Variants in IFIT1 observed in about 807,000 individuals in gnomAD.
IFIT1 encodes the protein interferon induced protein with tetratricopeptide repeats 1.
In IFIT1, 1 loss-of-function variant was observed where a neutral mutation model predicts 2.5. The ratio of observed to expected loss-of-function variants is 0.40; its 90% CI spans 0.14 to 1.92. The LOEUF is 1.92. IFIT1 is among the 40% of genes most tolerant of loss of function. The pLI is 0.31. For synonymous variants in IFIT1, 191 were observed against 201.7 expected (o/e 0.95, Z 0.45); for missense variants, 508 against 557.8 (o/e 0.91, Z 0.90).
chr10:89,399,973 C>T (rs1244935414), intron 1 of IFIT1, among the ~76,000 whole-genome samples: 1 of 152,152 alleles, frequency 6.6e-6, no homozygotes. Context: ...TTGGTTGTCA[C>T]CTTCATCTAG....
chr10:89,403,246 C>G lies in IFIT1; in HGVS notation c.971C>G (p.Ser324Ter), dbSNP rs1279818995. 3 of 1,614,162 alleles carry G rather than the reference C, an allele frequency of 1.9e-6. No homozygotes were observed. Among genetic ancestry groups the G allele is most frequent in the Admixed American group, 1.7e-5 (1 of 60,024 alleles). The change falls in exon 2 of 2, where the codon TCA becomes TGA. Residue 324 changes from serine to a stop codon, truncating the protein, a stop_gained. Transcript: ENST00000371804. LOFTEE classifies it low-confidence loss of function (END_TRUNC). ...NREKLDKMIRSAIFHFESAVE... is the reference protein window; with the variant it reads ...NREKLDKMIR ...GAAAAGCTAGACAAAATGATAAGAT[C>G]AGCCATATTTCATTTTGAATCTGCA... is the stretch of plus-strand genomic sequence containing the variant.
Position 89,402,853 on chromosome 10 carries a change from T to A in IFIT1, c.578T>A (p.Leu193Ter), listed in dbSNP as rs1482102651. 1.2e-6 allele frequency: 2 copies of A among 1,614,166 alleles called. No individual in the cohort carries two copies. Among genetic ancestry groups the A allele is most frequent in the Non-Finnish European group, 1.7e-6 (2 of 1,180,026 alleles). The change falls in exon 2 of 2, where the codon TTA becomes TAA. Residue 193 changes from leucine (L) to a stop codon, truncating the protein, a stop_gained. Transcript: ENST00000371804. LOFTEE classifies it low-confidence loss of function (END_TRUNC). Reference sequence around the variant, plus strand: ...GCCTATCGCCTGGATGGCTTTAAATTAGCCACAAAAAATCACAAGCCATTT... The same window carrying A: ...GCCTATCGCCTGGATGGCTTTAAATAAGCCACAAAAAATCACAAGCCATTT... ...ISAYRLDGFK[L>*]ATKNHKPFSL...
Position 89,403,937 on chromosome 10 carries a change from G to C in IFIT1, c.*225G>C, listed in dbSNP as rs902483229. The C allele has an allele frequency of 2.3e-5, 9 of 397,562 alleles. No individual in the cohort carries two copies. The highest frequency in any genetic ancestry group is 4.0e-5 in the Non-Finnish European group (9 of 225,946). The allele number at this position is 397,562 out of a possible 1,614,324, so 24.6% of individuals were successfully genotyped here. A position where few individuals can be genotyped will look rare whatever the true frequency, so the allele number is the denominator to read the frequency against. On this transcript the variant is annotated 3_prime_UTR_variant, in exon 2 of 2. Transcript: ENST00000371804. ...ATTTGTATGAGTGCTATGTAGTAGA[G>C]AAAAAATGTTAGTTAACTTTGTAGG...
At chr10:89,399,811 G>T (rs879688460) in intron 1 of IFIT1, among the ~76,000 whole-genome samples, 2 of 151,944 alleles carry the variant, frequency 1.3e-5, no homozygotes, top group African/African-American at 2.4e-5. Context: ...AAATAAAATC[G>T]TAAGAGTGAG....
At chr10:89,394,156 C>CCTGTGCAGCATGTTA (rs147997420) in intron 1 of IFIT1, among the ~76,000 whole-genome samples, 37,897 of 151,716 alleles carry the variant, frequency 0.25, 4,954 homozygotes, top group Middle Eastern at 0.28. Context: ...AGGCTATAAA[C>CCTGTGCAGCATGTTA]CTGTGCAGCA....
chr10:89,398,625 A>G (rs188965285), intron 1 of IFIT1, among the ~76,000 whole-genome samples: 243 of 152,324 alleles, frequency 1.6e-3, no homozygotes, highest in Non-Finnish European at 6.6e-4. Flanking sequence ...ATTGAATCAT[A>G]CAATATTGTC....
At chr10:89,399,990 T>C (rs1469803837) in intron 1 of IFIT1, among the ~76,000 whole-genome samples, 1 of 152,212 alleles carries the variant, frequency 6.6e-6, no homozygotes, top group African/African-American at 2.4e-5. Context: ...CTAGGACTTC[T>C]AGCCTCGAGA....
chr10:89,402,148 T>TAA, intron 1 of IFIT1, 133 bp from the exon 2 acceptor site: 1 of 646,978 alleles, frequency 1.5e-6, no homozygotes, highest in Admixed American at 3.0e-5. Flanking sequence ...AACTTAAAAA[T>TAA]ACATTAACTT....
chr10:89,399,475 T>C (rs1364660098), intron 1 of IFIT1, among the ~76,000 whole-genome samples: 3 of 152,176 alleles, frequency 2.0e-5, no homozygotes, highest in Non-Finnish European at 4.4e-5. Context: ...TACAAAGCTT[T>C]TTCCTTTCTT....
chr10:89,405,294 T>C lies in IFIT1; in HGVS notation c.*1582T>C, dbSNP rs1844512237. 6.6e-6 allele frequency: 1 copy of C among 152,210 alleles called. No individual in the cohort carries two copies. Among genetic ancestry groups the C allele is most frequent in the Admixed American group, 6.5e-5 (1 of 15,278 alleles). 9.4% of individuals were successfully genotyped at this position (152,210 alleles called of 1,614,324 possible). On this transcript the variant is annotated 3_prime_UTR_variant, in exon 2 of 2. Coordinates refer to ENST00000371804, the MANE Select transcript of IFIT1 (RefSeq NM_001548.5). ...TAAATCAAGAAATATTACATGAAAA[T>C]GTTGCTAAATCAGAGATCATGGGTA...
chr10:89,402,063 C>T (rs1844433864), intron 1 of IFIT1, among the ~76,000 whole-genome samples: 1 of 152,088 alleles, frequency 6.6e-6, no homozygotes, highest in Non-Finnish European at 1.5e-5. Flanking sequence ...CTCATAAGTA[C>T]AGAATAGTTA....
At chr10:89,396,249 C>A (rs1214647181) in intron 1 of IFIT1, among the ~76,000 whole-genome samples, 6 of 152,184 alleles carry the variant, frequency 3.9e-5, no homozygotes, top group Non-Finnish European at 2.9e-5. Flanking sequence ...TTCTCCACAT[C>A]CTTATTGCCT....
intron 1 of IFIT1, among the ~76,000 whole-genome samples, chr10:89,396,435 G>C (rs1420502147): frequency 6.6e-6 from 1 of 152,306 alleles, no homozygotes; most frequent in Admixed American, 6.5e-5. Flanking sequence ...CACTGGAGAA[G>C]GTCAAAGGGG....
Position 89,403,306 on chromosome 10 carries a change from T to C in IFIT1, c.1031T>C (p.Leu344Pro), listed in dbSNP as rs747902583. ...EKKPTFEVAH[L>P]DLARMYIEAG... is the part of the protein sequence containing the mutation. ...AAGCCCACATTTGAGGTGGCTCATC[T>C]AGACCTGGCAAGAATGTATATAGAA... Residue 344 changes from leucine (L) to proline (P), a missense_variant, in exon 2 of 2, where the codon CTA becomes CCA. Transcript: ENST00000371804. 5.0e-6 allele frequency: 8 copies of C among 1,614,102 alleles called. No homozygotes were observed. The highest frequency in any genetic ancestry group is 6.8e-6 in the Non-Finnish European group (8 of 1,180,016).
chr10:89,403,196 AG>A lies in IFIT1; in HGVS notation c.924del (p.Gln309SerfsTer10). 1 of 1,614,140 alleles carries A rather than the reference AG, an allele frequency of 6.2e-7. No individual in the cohort carries two copies. The highest frequency in any genetic ancestry group is 2.2e-5 in the East Asian group (1 of 44,884). On this transcript the variant is annotated frameshift_variant, in exon 2 of 2. Coordinates refer to ENST00000371804, the MANE Select transcript of IFIT1 (RefSeq NM_001548.5). LOFTEE classifies it low-confidence loss of function (END_TRUNC). ...QMIQIKEATKGQPRGQNREKL... is the reference protein window; with the variant it reads ...QMIQIKEATKXQPRGQNREKL... ...TGATCCAAATCAAGGAGGCTACAAA[AG>A]GGCAGCCTAGAGGGCAGAACAGAGA...
chr10:89,403,805 A>C lies in IFIT1; in HGVS notation c.*93A>C. The C allele has an allele frequency of 1.5e-6, 1 of 686,908 alleles. No homozygotes were observed. The highest frequency in any genetic ancestry group is 2.4e-6 in the Non-Finnish European group (1 of 410,956). The allele number at this position is 686,908 out of a possible 1,614,324, so 42.6% of individuals were successfully genotyped here. On this transcript the variant is annotated 3_prime_UTR_variant, in exon 2 of 2. Transcript: ENST00000371804. ...TGCTTACTGTTTTCAGAAACATTAT[A>C]ATTCACTGTAATGATGTAATTCTTG...
At chr10:89,401,457 GA>G (rs1844422259) in intron 1 of IFIT1, among the ~76,000 whole-genome samples, 1 of 152,112 alleles carries the variant, frequency 6.6e-6, no homozygotes, top group African/African-American at 2.4e-5. Context: ...TTACAGAGAT[GA>G]AGAACAAATT....
chr10:89,398,926 A>C (rs1456567788), intron 1 of IFIT1, among the ~76,000 whole-genome samples: 1 of 152,172 alleles, frequency 6.6e-6, no homozygotes, highest in Non-Finnish European at 1.5e-5. Flanking sequence ...TGGTAATTCT[A>C]TGGTTAATTT....
intron 1 of IFIT1, among the ~76,000 whole-genome samples, chr10:89,400,065 T>C (rs1844400644): frequency 6.6e-6 from 1 of 152,258 alleles, no homozygotes; most frequent in African/African-American, 2.4e-5. Context: ...TATGACATTC[T>C]GAGCTAACTA....
Sources: allele counts gnomAD v4.1 joint callset (sites outside exome capture counted in the v4.1 genomes callset), GRCh38; gene constraint gnomAD v4.1.1; transcripts MANE v1.5; gene names NCBI Gene and HGNC (gene_info 2026-07-23, HGNC 2026-07-21).